The following PRDM16 variants were observed in gnomAD, a reference collection of about 807,000 sequenced individuals.
The protein encoded by PRDM16 is PR/SET domain 16, also known as histone-lysine N-methyltransferase PRDM16.
In PRDM16, 23 loss-of-function variants were observed where a neutral mutation model predicts 110.6. The ratio of observed to expected loss-of-function variants is 0.21; its 90% CI spans 0.15 to 0.29. The LOEUF is 0.29. PRDM16 is among the 10% of genes least tolerant of loss of function. PRDM16 has a pLI of 1.00. For missense variants in PRDM16, 1,615 were observed against 1,794.3 expected, an observed-to-expected ratio of 0.90 and a Z score of 1.81; for synonymous variants, 799 against 781.8, an observed-to-expected ratio of 1.02 and a Z score of -0.37.
chr1:3,130,792 GGGCT>G (rs1045842783), intron 1 of PRDM16, among the ~76,000 whole-genome samples: 4 of 116,612 alleles, frequency 3.4e-5, no homozygotes, highest in African/African-American at 1.4e-4. Flanking sequence ...GGCGGTGGGG[GGGCT>G]GTTTTTTTTT....
chr1:3,331,296 C>T (rs930196860), intron 3 of PRDM16, among the ~76,000 whole-genome samples: 18 of 152,036 alleles, frequency 1.2e-4, no homozygotes, highest in African/African-American at 4.1e-4. Flanking sequence ...GAAAGGCAGC[C>T]CCCCCCCGGC....
intron 3 of PRDM16, among the ~76,000 whole-genome samples, chr1:3,335,617 A>G (rs1313837667): frequency 2.0e-5 from 3 of 151,802 alleles, no homozygotes; most frequent in Non-Finnish European, 4.4e-5. Flanking sequence ...ACACACACAC[A>G]CACACACACA....
At chr1:3,414,980 A>AAT (rs1643755574) in intron 10 of PRDM16, among the ~76,000 whole-genome samples, 1 of 152,208 alleles carries the variant, frequency 6.6e-6, no homozygotes, top group African/African-American at 2.4e-5. Context: ...TGAGGGGAGC[A>AAT]GCCTCAGGTG....
chr1:3,301,341 A>C (rs1190641826), intron 3 of PRDM16, among the ~76,000 whole-genome samples: 1 of 142,722 alleles, frequency 7.0e-6, no homozygotes, highest in Non-Finnish European at 1.5e-5. Context: ...TCAAAAAAAA[A>C]AAAAAAAAGA....
intron 1 of PRDM16, among the ~76,000 whole-genome samples, chr1:3,159,738 A>G (rs1180825892): frequency 1.3e-5 from 2 of 152,144 alleles, no homozygotes; most frequent in African/African-American, 4.8e-5. Context: ...CCTGGGACAC[A>G]TTTTGTCAAG....
At chr1:3,269,091 G>C (rs1174464716) in intron 3 of PRDM16, among the ~76,000 whole-genome samples, 6 of 152,204 alleles carry the variant, frequency 3.9e-5, no homozygotes, top group African/African-American at 1.4e-4. Flanking sequence ...GAAGACAGGT[G>C]GGTGGGCTTT....
intron 2 of PRDM16, among the ~76,000 whole-genome samples, chr1:3,202,971 A>C (rs983212962): frequency 6.6e-6 from 1 of 152,200 alleles, no homozygotes; most frequent in African/African-American, 2.4e-5. Context: ...TCTTTGACGG[A>C]ATCTGAAGAA....
intron 3 of PRDM16, among the ~76,000 whole-genome samples, chr1:3,274,973 T>G (rs938371290): frequency 1.1e-4 from 16 of 152,154 alleles, no homozygotes; most frequent in African/African-American, 3.9e-4. Context: ...GCTCGAGATT[T>G]GAGAAGGGTG....
chr1:3,140,806 T>G (rs2100701102), intron 1 of PRDM16, among the ~76,000 whole-genome samples: 1 of 152,342 alleles, frequency 6.6e-6, no homozygotes, highest in East Asian at 1.9e-4. Context: ...CGTTTCCGCA[T>G]CCTGCGTTCC....
intron 1 of PRDM16, among the ~76,000 whole-genome samples, chr1:3,094,286 C>T (rs537764032): frequency 6.6e-6 from 1 of 152,380 alleles, no homozygotes; most frequent in Admixed American, 6.5e-5. Flanking sequence ...CCACAGCTCC[C>T]AGGTGGCTCC....
At position 3,298,167 on chromosome 1, in the gene PRDM16, C is replaced by T. The variant is rs545638388; in HGVS notation, c.438+54030C>T. ...AATACGTGTAAGTGACAGCATCTTC[C>T]ACTCCTTAAATCAGTAGATTCCCGT... On this transcript the variant is annotated intron_variant, in intron 3 of 16. Coordinates refer to ENST00000270722, the MANE Select transcript of PRDM16 (RefSeq NM_022114.4). 1.8e-4 allele frequency among the ~76,000 whole-genome samples: 27 copies of T among 152,378 alleles called. 1 individual carries two copies. The South Asian group carries it at 3.7e-3, about 21-fold the overall frequency.
Position 3,412,026 on chromosome 1 carries a change from C to G in PRDM16, c.1829C>G (p.Thr610Ser). 6.2e-7 allele frequency: 1 copy of G among 1,613,270 alleles called. No individual in the cohort carries two copies. The highest frequency in any genetic ancestry group is 1.3e-5 in the African/African-American group (1 of 75,056). Residue 610 changes from threonine to serine, a missense_variant, in exon 9 of 17, where the codon ACC becomes AGC. Physicochemically the swap from Thr to Ser is moderately conservative, Grantham distance 58 (BLOSUM62 1). Around this residue, in one of 5 missense-constraint regions of PRDM16, gnomAD observed 772 missense variants for 748.3 expected, o/e 1.03. Coordinates refer to ENST00000270722, the MANE Select transcript of PRDM16 (RefSeq NM_022114.4). ...DGSDFEDVNT[T>S]TGTDLDTTTG... ...AGTGACTTTGAGGACGTCAACACCA[C>G]CACGGGGACCGACCTGGACACGACC...
chr1:3,346,073 A>G (rs1642357539), intron 3 of PRDM16, among the ~76,000 whole-genome samples: 1 of 152,246 alleles, frequency 6.6e-6, no homozygotes, highest in African/African-American at 2.4e-5. Flanking sequence ...CAACACCCAC[A>G]ATGTGGGCTT....
Position 3,433,831 on chromosome 1 carries a change from CCGGTGG to C in PRDM16, c.*22_*27del. The C allele has an allele frequency of 6.2e-7, 1 of 1,611,068 alleles. No homozygotes were observed. The highest frequency in any genetic ancestry group is 8.5e-7 in the Non-Finnish European group (1 of 1,179,428). ...CTCTGACGGGCTGGGCAGCCGGGGG[CCGGTGG>C]CCAGAGCGAGGGCACCAGCCACGAA... On this transcript the variant is annotated 3_prime_UTR_variant, in exon 17 of 17. Transcript: ENST00000270722.
intron 1 of PRDM16, among the ~76,000 whole-genome samples, chr1:3,165,682 T>A (rs1387790647): frequency 3.0e-5 from 2 of 67,320 alleles, no homozygotes; most frequent in Admixed American, 1.5e-4. Context: ...GTGACTCACC[T>A]GGGCCCAGGG....
chr1:3,418,731 G>C lies in PRDM16; in HGVS notation c.2926G>C (p.Glu976Gln). The C allele has an allele frequency of 6.2e-7, 1 of 1,613,578 alleles. No individual in the cohort carries two copies. Among genetic ancestry groups the C allele is most frequent in the Non-Finnish European group, 8.5e-7 (1 of 1,179,836 alleles). The change falls in exon 12 of 17, where the codon GAG (glutamate) becomes CAG (glutamine). Residue 976 changes from glutamate (E) to glutamine (Q), a missense_variant. This residue lies in a region of PRDM16 where 18 missense variants were observed against 75.2 expected (regional missense o/e 0.24). Transcript: ENST00000270722. ...CAGACACCTGAGGACGCACACTGGG[G>C]AGCAGCCGTACAGGTAGGTGCTGCG... ...LTRHLRTHTG[E>Q]QPYRCKYCDR...
chr1:3,279,377 C>T (rs749617954), intron 3 of PRDM16, among the ~76,000 whole-genome samples: 4 of 152,158 alleles, frequency 2.6e-5, no homozygotes, highest in Non-Finnish European at 5.9e-5. Flanking sequence ...CCTCGCGGTG[C>T]CTCGGGGCAG....
At chr1:3,086,196 G>T (rs1642147224) in intron 1 of PRDM16, among the ~76,000 whole-genome samples, 1 of 152,186 alleles carries the variant, frequency 6.6e-6, no homozygotes, top group South Asian at 2.1e-4. Flanking sequence ...TGCTCAGGGT[G>T]AGCTCGTGAG....
At chr1:3,235,234 A>T (rs1393536531) in intron 2 of PRDM16, among the ~76,000 whole-genome samples, 1 of 152,190 alleles carries the variant, frequency 6.6e-6, no homozygotes, top group Non-Finnish European at 1.5e-5. Context: ...AGCTCCAGGA[A>T]CAAACAGCCT....
Sources: allele counts gnomAD v4.1 joint callset (sites outside exome capture counted in the v4.1 genomes callset), GRCh38; gene constraint gnomAD v4.1.1; regional missense constraint gnomAD v4.1.1; transcripts MANE v1.5; gene names NCBI Gene and HGNC (gene_info 2026-07-23, HGNC 2026-07-21).